The following NOL11 variants were observed in gnomAD, a reference collection of about 807,000 sequenced individuals.
NOL11 encodes the protein nucleolar protein 11.
In NOL11, 42 loss-of-function variants were observed where a neutral mutation model predicts 93.0. The observed-to-expected ratio is 0.45, with a 90% CI of 0.35 to 0.58. The LOEUF is 0.58. Ranked by LOEUF, NOL11 falls within the 20% of genes least tolerant of loss-of-function variation. NOL11 has a pLI of 0.00. For missense variants in NOL11, 775 were observed against 841.8 expected, an observed-to-expected ratio of 0.92 and a Z score of 0.98; for synonymous variants, 296 against 293.7, an observed-to-expected ratio of 1.01 and a Z score of -0.08.
At chr17:67,724,684 T>C (rs1259108695) in intron 6 of NOL11, among the ~76,000 whole-genome samples, 1 of 152,196 alleles carries the variant, frequency 6.6e-6, no homozygotes, top group Non-Finnish European at 1.5e-5. Context: ...AGATCAGTGA[T>C]CCTGTGTTTT....
chr17:67,718,210 G>C, intron 1 of NOL11, 122 bp downstream of exon 1: 1 of 1,357,994 alleles, frequency 7.4e-7, no homozygotes, highest in Non-Finnish European at 1.0e-6. Flanking sequence ...GCAGAGAGCC[G>C]GCTGGGCCTG....
rs2055214320 is a variant in NOL11 at position 67,737,594 on chromosome 17, C to T, written c.1305C>T (p.Asp435=). The change falls in exon 12 of 18, where the codon GAC becomes GAT. Residue 435 remains aspartate (D), a synonymous_variant. Transcript: ENST00000253247. ...QTPDFHTVIG[D]TVTGLLERCK... The stretch of plus-strand genomic sequence containing the variant: ...CTGACTTTCATACTGTCATTGGGGA[C>T]ACAGTAACAGGACTTCTGGAAAGGT... 6.2e-7 allele frequency: 1 copy of T among 1,614,044 alleles called. No homozygotes were observed. The highest frequency in any genetic ancestry group is 8.5e-7 in the Non-Finnish European group (1 of 1,179,944).
chr17:67,732,088 C>T (rs1420918443), intron 7 of NOL11, among the ~76,000 whole-genome samples: 1 of 152,134 alleles, frequency 6.6e-6, no homozygotes, highest in Non-Finnish European at 1.5e-5. Flanking sequence ...TTAAGTCTTC[C>T]AATTGCTGAA....
At chr17:67,719,503 C>A (rs1158327068) in intron 1 of NOL11, 171 bp from the exon 2 acceptor site, 2 of 437,488 alleles carry the variant, frequency 4.6e-6, no homozygotes, top group African/African-American at 2.1e-5. Context: ...TCGTGATTTG[C>A]CCACCTTGAC....
chr17:67,739,527 G>A lies in NOL11; in HGVS notation c.1854G>A (p.Lys618=). The part of the protein sequence containing the change: ...IPAQHITLFL[K]YLYFLYLKCS... ...TTTTTCCCACCCAGCTGTTTCTTAA[G>A]TATTTGTATTTCCTGTACCTGAAGT... The change falls in exon 16 of 18, where the codon AAG becomes AAA. Residue 618 remains lysine, a synonymous_variant. Transcript: ENST00000253247. 6.3e-7 allele frequency: 1 copy of A among 1,581,580 alleles called. No homozygotes were observed. The highest frequency in any genetic ancestry group is 8.6e-7 in the Non-Finnish European group (1 of 1,167,636).
Position 67,724,124 on chromosome 17 carries a change from G to A in NOL11, c.595G>A (p.Asp199Asn). Reference protein sequence around the residue: ...LTKYTLLLGQDENSVIKSFTA... With the variant: ...LTKYTLLLGQNENSVIKSFTA... ...CAAATATACACTCTTACTTGGACAAGACGAAAACTCTGTTATAAAGAGTTT... is the reference window on the plus strand; with the variant it reads ...CAAATATACACTCTTACTTGGACAAAACGAAAACTCTGTTATAAAGAGTTT... Residue 199 changes from aspartate to asparagine, a missense_variant, in exon 6 of 18, where the codon GAC becomes AAC. Transcript: ENST00000253247. The A allele has an allele frequency of 6.3e-7, 1 of 1,595,140 alleles. No homozygotes were observed. The highest frequency in any genetic ancestry group is 8.5e-7 in the Non-Finnish European group (1 of 1,170,136).
Position 67,739,498 on chromosome 17 carries a change from A to AT in NOL11, c.1843-10dup, listed in dbSNP as rs754625238. 6.7e-5 allele frequency: 100 copies of AT among 1,484,056 alleles called. No individual in the cohort carries two copies. The highest frequency in any genetic ancestry group is 2.2e-4 in the Admixed American group (10 of 45,162). The allele number at this position is 1,484,056 out of a possible 1,614,324, so 91.9% of individuals were successfully genotyped here. A position where few individuals can be genotyped will look rare whatever the true frequency, so the allele number is the denominator to read the frequency against. On this transcript the variant is annotated splice_polypyrimidine_tract_variant and intron_variant, in intron 15 of 17. Transcript: ENST00000253247. ...TTTCTATCAAAATGATAAACTATCC[A>AT]TTTTTTTTCCCACCCAGCTGTTTCT...
intron 14 of NOL11, 102 bp from the exon 15 acceptor site, chr17:67,738,829 CT>C (rs563233476): frequency 1.1e-5 from 8 of 720,618 alleles, no homozygotes; most frequent in African/African-American, 3.6e-5. Flanking sequence ...AGATGTAAAA[CT>C]TTTGTATAAA....
intron 7 of NOL11, among the ~76,000 whole-genome samples, chr17:67,730,434 G>T (rs1447153782): frequency 6.6e-6 from 1 of 151,952 alleles, no homozygotes; most frequent in Non-Finnish European, 1.5e-5. Flanking sequence ...CTAATTTTTT[G>T]TATTTTTAGT....
chr17:67,724,498 T>A (rs1456264676), intron 6 of NOL11, among the ~76,000 whole-genome samples: 1 of 152,010 alleles, frequency 6.6e-6, no homozygotes, highest in Non-Finnish European at 1.5e-5. Flanking sequence ...CACATCTGGC[T>A]CATTTTTGTA....
intron 10 of NOL11, 50 bp downstream of exon 10, chr17:67,736,804 G>T: frequency 8.2e-7 from 1 of 1,223,648 alleles, no homozygotes; most frequent in Non-Finnish European, 1.2e-6. Context: ...TTGAAAAACA[G>T]AAAAAGACTG....
chr17:67,740,167 G>T (rs1047335577), intron 16 of NOL11, among the ~76,000 whole-genome samples: 2 of 151,820 alleles, frequency 1.3e-5, no homozygotes, highest in African/African-American at 4.8e-5. Flanking sequence ...CCCAGGAGGC[G>T]GACGTTGCAG....
At chr17:67,741,359 C>T (rs1004091591) in intron 16 of NOL11, among the ~76,000 whole-genome samples, 9 of 151,946 alleles carry the variant, frequency 5.9e-5, no homozygotes, top group Non-Finnish European at 8.8e-5. Flanking sequence ...TGTAAGCTAC[C>T]GTGCCCGGGC....
rs1054036370 is a variant in NOL11, at chr17:67,737,599, T to G, written c.1310T>G (p.Val437Gly). ...TTTCATACTGTCATTGGGGACACAG[T>G]AACAGGACTTCTGGAAAGGTGTAAA... is the stretch of plus-strand genomic sequence containing the variant. Reference protein sequence around the residue: ...PDFHTVIGDTVTGLLERCKAE... With the variant: ...PDFHTVIGDTGTGLLERCKAE... The change falls in exon 12 of 18, where the codon GTA becomes GGA. Residue 437 changes from valine (V) to glycine (G), a missense_variant. Physicochemically the swap from Val to Gly is moderately radical, Grantham distance 109. Transcript: ENST00000253247. The G allele has an allele frequency of 3.1e-6, 5 of 1,614,064 alleles. No homozygotes were observed. In the Admixed American group the frequency reaches 8.3e-5, roughly 27 times the overall value.
chr17:67,729,051 C>T (rs1472693505), intron 7 of NOL11, among the ~76,000 whole-genome samples: 1 of 151,470 alleles, frequency 6.6e-6, no homozygotes, highest in Non-Finnish European at 1.5e-5. Flanking sequence ...GAAGGAGTCA[C>T]TGGTGTTCGT....
At chr17:67,725,403 A>G (rs1050625925) in intron 6 of NOL11, among the ~76,000 whole-genome samples, 1 of 152,176 alleles carries the variant, frequency 6.6e-6, no homozygotes, top group Non-Finnish European at 1.5e-5. Context: ...GGGGAAGAAA[A>G]AAAAAAGTCT....
intron 7 of NOL11, among the ~76,000 whole-genome samples, chr17:67,729,582 T>A (rs1218221534): frequency 6.6e-6 from 1 of 151,266 alleles, no homozygotes; most frequent in Non-Finnish European, 1.5e-5. Flanking sequence ...AATCATACAA[T>A]ACTTTTTTTT....
intron 8 of NOL11, among the ~76,000 whole-genome samples, chr17:67,735,281 GT>G (rs1335886879): frequency 6.6e-6 from 1 of 152,036 alleles, no homozygotes; most frequent in Non-Finnish European, 1.5e-5. Flanking sequence ...GGATGTTTTG[GT>G]AATTTTAATT....
chr17:67,728,087 C>T (rs973804088), intron 7 of NOL11, among the ~76,000 whole-genome samples: 26 of 152,066 alleles, frequency 1.7e-4, no homozygotes, highest in Non-Finnish European at 2.9e-4. Context: ...GGTGAAACCC[C>T]GTCTCCACTA....
Sources: allele counts gnomAD v4.1 joint callset (sites outside exome capture counted in the v4.1 genomes callset), GRCh38; gene constraint gnomAD v4.1.1; transcripts MANE v1.5; gene names NCBI Gene and HGNC (gene_info 2026-07-23, HGNC 2026-07-21).